Variants in EIF2B5 observed in about 807,000 individuals in gnomAD.
EIF2B5 encodes the protein eukaryotic translation initiation factor 2B subunit epsilon.
In EIF2B5, 38 loss-of-function variants were observed where a neutral mutation model predicts 87.3. That is an observed-to-expected ratio of 0.44 (90% confidence interval 0.34 to 0.57). The LOEUF (loss-of-function observed/expected upper bound fraction) is 0.57, where lower values mean the gene tolerates loss of function less well. Among genes scored for constraint, EIF2B5 ranks in the 20% least tolerant of loss-of-function variants. EIF2B5 has a pLI of 0.02. For synonymous variants in EIF2B5, 313 were observed against 339.6 expected (o/e 0.92, Z 0.86); for missense variants, 784 against 909.5 (o/e 0.86, Z 1.78).
At position 184,142,743 on chromosome 3, in the gene EIF2B5, T is replaced by C; in HGVS notation, c.1547-36T>C. On this transcript the variant is annotated intron_variant, in intron 10 of 15. Transcript: ENST00000648915. This position sits in a 1 kb window ranked among gnomAD's most constrained non-coding sequence, Gnocchi z 5.0. ...GTATATTGCTCTCTGTCAATGACTC[T>C]TTTTTTCTTTTTCCTCACCCATTAT... 1 of 1,597,438 alleles carries C rather than the reference T, an allele frequency of 6.3e-7. No homozygotes were observed. The highest frequency in any genetic ancestry group is 8.6e-7 in the Non-Finnish European group (1 of 1,169,090).
intron 2 of EIF2B5, 176 bp downstream of exon 2, chr3:184,136,912 G>T (rs1713387746): frequency 1.2e-6 from 1 of 869,262 alleles, no homozygotes. Context: ...CTTTGTATCT[G>T]TCTGTCTTGG....
At chr3:184,143,264 G>C (rs1260206515) in intron 12 of EIF2B5, 122 bp downstream of exon 12, 3 of 1,459,934 alleles carry the variant, frequency 2.1e-6, no homozygotes, top group Non-Finnish European at 2.8e-6. Context: ...AAGACCAGTA[G>C]TATTTGGAGC....
chr3:184,142,079 T>A lies in EIF2B5; in HGVS notation c.1302+9T>A. ...CTGTCCTCACTTCCCAGGTGAGACC[T>A]GATCTATACTGTGCACAGGCCCTGA... is the stretch of plus-strand genomic sequence containing the variant. On this transcript the variant is annotated intron_variant, in intron 8 of 15. Coordinates refer to ENST00000648915, the MANE Select transcript of EIF2B5 (RefSeq NM_003907.3). This position sits in a 1 kb window ranked among gnomAD's most constrained non-coding sequence, Gnocchi z 5.0. 6.2e-7 allele frequency: 1 copy of A among 1,614,148 alleles called. No individual in the cohort carries two copies. Among genetic ancestry groups the A allele is most frequent in the Non-Finnish European group, 8.5e-7 (1 of 1,180,038 alleles).
At chr3:184,144,035 C>T in intron 13 of EIF2B5, 64 bp from the exon 14 acceptor site, 6 of 1,611,828 alleles carry the variant, frequency 3.7e-6, no homozygotes, top group Non-Finnish European at 5.1e-6. Flanking sequence ...TATGGATTTG[C>T]TTGGATGTCC....
At chr3:184,140,190 AGAG>A (rs1397856455) in intron 6 of EIF2B5, 33 bp downstream of exon 6, 1 of 1,584,740 alleles carries the variant, frequency 6.3e-7, no homozygotes, top group South Asian at 1.1e-5. Flanking sequence ...TCTTTAGGAG[AGAG>A]GAGAAGGCTA....
At position 184,142,644 on chromosome 3, in the gene EIF2B5, G is replaced by T; in HGVS notation, c.1546+41G>T. 1 of 1,589,460 alleles carries T rather than the reference G, an allele frequency of 6.3e-7. No homozygotes were observed. The highest frequency in any genetic ancestry group is 1.1e-5 in the South Asian group (1 of 88,614). On this transcript the variant is annotated intron_variant, in intron 10 of 15. Coordinates refer to ENST00000648915, the MANE Select transcript of EIF2B5 (RefSeq NM_003907.3). The surrounding 1 kb of genome is among the most constrained non-coding windows in gnomAD (Gnocchi z 5.0). Reference sequence around the variant, plus strand: ...TGCCTGCCCTTCTCCTCCTGAATCGGAATATTTTGAAGGATAATGAATACT... The same window carrying T: ...TGCCTGCCCTTCTCCTCCTGAATCGTAATATTTTGAAGGATAATGAATACT...
At position 184,144,653 on chromosome 3, in the gene EIF2B5, G is replaced by A. The variant is rs1158934086; in HGVS notation, c.2052G>A (p.Trp684Ter). 6.2e-7 allele frequency: 1 copy of A among 1,613,992 alleles called. No individual in the cohort carries two copies. The highest frequency in any genetic ancestry group is 8.5e-7 in the Non-Finnish European group (1 of 1,180,034). ...EILAEETILS[W>*]FSQRDTTDKG... The stretch of plus-strand genomic sequence containing the variant: ...TGGCTGAGGAAACAATTCTGAGCTG[G>A]TTCAGCCAAAGAGATACAACTGACA... Residue 684 changes from tryptophan to a stop codon, truncating the protein, a stop_gained, in exon 15 of 16, where the codon TGG (tryptophan) becomes TGA (stop). Coordinates refer to ENST00000648915, the MANE Select transcript of EIF2B5 (RefSeq NM_003907.3). LOFTEE classifies it high-confidence loss of function.
Position 184,145,053 on chromosome 3 carries a change from A to T in EIF2B5, c.*110A>T. 1 of 992,200 alleles carries T rather than the reference A, an allele frequency of 1.0e-6. No homozygotes were observed. The highest frequency in any genetic ancestry group is 1.6e-6 in the Non-Finnish European group (1 of 634,674). The allele number at this position is 992,200 out of a possible 1,614,324, so 61.5% of individuals were successfully genotyped here. On this transcript the variant is annotated 3_prime_UTR_variant, in exon 16 of 16. Transcript: ENST00000648915. This position sits in a 1 kb window ranked among gnomAD's most constrained non-coding sequence, Gnocchi z 4.0. ...ATGAGTGACCACCATCCAGGCTGAG[A>T]CTGAAAGGAGCAGAGGCTGGAACTA...
At chr3:184,141,440 G>A (rs369751358) in intron 7 of EIF2B5, among the ~76,000 whole-genome samples, 3 of 152,122 alleles carry the variant, frequency 2.0e-5, no homozygotes, top group Non-Finnish European at 2.9e-5. Context: ...ATGATGGCGC[G>A]TGCCTGTAAT....
In EIF2B5 at chr3:184,144,669, A is replaced by C; in HGVS notation, c.2068A>C (p.Thr690Pro). The C allele has an allele frequency of 6.2e-7, 1 of 1,614,132 alleles. No homozygotes were observed. Among genetic ancestry groups the C allele is most frequent in the Non-Finnish European group, 8.5e-7 (1 of 1,180,008 alleles). Residue 690 changes from threonine (T) to proline (P), a missense_variant, in exon 15 of 16, where the codon ACA becomes CCA. Coordinates refer to ENST00000648915, the MANE Select transcript of EIF2B5 (RefSeq NM_003907.3). ...TCTGAGCTGGTTCAGCCAAAGAGAT[A>C]CAACTGACAAGGGCCAGCAGTTGCG... ...TILSWFSQRD[T>P]TDKGQQLRKN...
At chr3:184,138,111 G>A (rs754454722) in intron 4 of EIF2B5, 36 bp downstream of exon 4, 1 of 1,614,076 alleles carries the variant, frequency 6.2e-7, no homozygotes, top group East Asian at 2.2e-5. Flanking sequence ...AGATGGGGAA[G>A]TGACAGGCTT....
In EIF2B5 at chr3:184,144,240, A is replaced by T; in HGVS notation, c.1995+16A>T. On this transcript the variant is annotated intron_variant, in intron 14 of 15. Transcript: ENST00000648915. Reference sequence around the variant, plus strand: ...CATGGCCAAGGTGAATATGACCTCAAGCCCCATTCTTCTGCACTTGCTTTC... The same window carrying T: ...CATGGCCAAGGTGAATATGACCTCATGCCCCATTCTTCTGCACTTGCTTTC... The T allele has an allele frequency of 3.1e-6, 5 of 1,613,744 alleles. No homozygotes were observed. Among genetic ancestry groups the T allele is most frequent in the Non-Finnish European group, 4.2e-6 (5 of 1,180,032 alleles).
intron 2 of EIF2B5, chr3:184,137,275 T>C (rs1713407140): frequency 7.3e-6 from 3 of 409,962 alleles, no homozygotes; most frequent in South Asian, 2.2e-5. Flanking sequence ...CTAAATGTTA[T>C]ATGGATTGCA....
At position 184,138,003 on chromosome 3, in the gene EIF2B5, T is replaced by C. The variant is rs1338200222; in HGVS notation, c.612T>C (p.Ala204=). ...TRCHEDNVVV[A]VDSTTNRVLH... is the part of the protein sequence containing the mutation. ...GCCACGAAGACAATGTGGTAGTGGC[T>C]GTGGATAGTACCACAAACAGGGTTC... Residue 204 remains alanine, a synonymous_variant, in exon 4 of 16, where the codon GCT becomes GCC. Coordinates refer to ENST00000648915, the MANE Select transcript of EIF2B5 (RefSeq NM_003907.3). 6.2e-7 allele frequency: 1 copy of C among 1,614,112 alleles called. No individual in the cohort carries two copies. Among genetic ancestry groups the C allele is most frequent in the Non-Finnish European group, 8.5e-7 (1 of 1,180,046 alleles).
At position 184,142,421 on chromosome 3, in the gene EIF2B5, C is replaced by T; in HGVS notation, c.1444+43C>T. ...TGTGGGGCATCTGTGTGTCTCGCTG[C>T]CTCATAGAAGAACCAGTGTTTCCTC... On this transcript the variant is annotated intron_variant, in intron 9 of 15. Coordinates refer to ENST00000648915, the MANE Select transcript of EIF2B5 (RefSeq NM_003907.3). The surrounding 1 kb of genome is among the most constrained non-coding windows in gnomAD (Gnocchi z 5.0). The T allele has an allele frequency of 6.2e-7, 1 of 1,614,184 alleles. No individual in the cohort carries two copies. The highest frequency in any genetic ancestry group is 8.5e-7 in the Non-Finnish European group (1 of 1,180,034).
rs771609638 is a variant in EIF2B5, at chr3:184,144,758, C to A, written c.2106+51C>A. On this transcript the variant is annotated intron_variant, in intron 15 of 15. Transcript: ENST00000648915. ...CAAGATGGTTATCTCATTCCCAGGT[C>A]CTGGCCCCTAGACTCTAGGGTGGTT... The A allele has an allele frequency of 3.8e-6, 6 of 1,591,378 alleles. No individual in the cohort carries two copies. The South Asian group carries it at 5.6e-5, about 15-fold the overall frequency.
intron 1 of EIF2B5, 130 bp downstream of exon 1, chr3:184,135,710 T>G (rs2109005804): frequency 7.7e-7 from 1 of 1,300,678 alleles, no homozygotes; most frequent in Non-Finnish European, 1.1e-6. Context: ...TAAAACCGGA[T>G]GCAGAGGGAC....
At chr3:184,143,352 C>T in intron 12 of EIF2B5, 90 bp from the exon 13 acceptor site, 3 of 1,606,918 alleles carry the variant, frequency 1.9e-6, no homozygotes, top group Admixed American at 1.7e-5. Flanking sequence ...TTGTTCCATC[C>T]AGATTCCTCT....
chr3:184,135,513 T>C lies in EIF2B5; in HGVS notation c.128T>C (p.Leu43Pro), dbSNP rs1362588511. Residue 43 changes from leucine to proline, a missense_variant, in exon 1 of 16, where the codon CTA (leucine) becomes CCA (proline). Leu to Pro is a moderately conservative substitution (Grantham distance 98). Around this residue, in one of 3 missense-constraint regions of EIF2B5, gnomAD observed 117 missense variants for 101.0 expected, o/e 1.16. Coordinates refer to ENST00000648915, the MANE Select transcript of EIF2B5 (RefSeq NM_003907.3). ...RGAEEEPPPP[L>P]QAVLVADSFD... is the part of the protein sequence containing the mutation. ...GCGGAGGAGGAACCGCCGCCGCCCC[T>C]ACAAGCAGTTCTGGTGGCCGATAGC... 1.3e-6 allele frequency: 2 copies of C among 1,587,556 alleles called. No homozygotes were observed. The highest frequency in any genetic ancestry group is 1.7e-6 in the Non-Finnish European group (2 of 1,167,876).
Sources: gnomAD v4.1 joint callset for allele counts (sites outside exome capture counted in the v4.1 genomes callset) on GRCh38, gnomAD v4.1.1 for gene constraint, gnomAD v4.1.1 regional missense constraint, Gnocchi (gnomAD v3.1) non-coding constraint, MANE v1.5 for transcripts, NCBI Gene and HGNC (gene_info 2026-07-23, HGNC 2026-07-21) for gene names.